The following CSPP1 variants were observed in gnomAD, a reference collection of about 807,000 sequenced individuals.
CSPP1 encodes centrosome and spindle pole-associated protein 1.
In CSPP1, 126 loss-of-function variants were observed where a neutral mutation model predicts 164.4. The observed-to-expected ratio is 0.77, with a 90% CI of 0.66 to 0.89. The LOEUF is 0.89. Ranked by LOEUF, CSPP1 falls within the 40% of genes least tolerant of loss-of-function variation. CSPP1 has a pLI of 0.00. For synonymous variants in CSPP1, 472 were observed against 476.7 expected (o/e 0.99, Z 0.13); for missense variants, 1,395 against 1,449.8 (o/e 0.96, Z 0.61).
intron 28 of CSPP1, among the ~76,000 whole-genome samples, chr8:67,182,028 G>C (rs1833179529): frequency 6.6e-6 from 1 of 152,002 alleles, no homozygotes; most frequent in Non-Finnish European, 1.5e-5. Context: ...TTAGAGACAG[G>C]GTCACCCTTG....
rs1046552298 is a variant in CSPP1, at chr8:67,152,839, C to T, written c.2129-1185C>T. Among the ~76,000 whole-genome samples the T allele has an allele frequency of 2.0e-5, 3 of 152,198 alleles. No individual in the cohort carries two copies. The South Asian group carries it at 6.2e-4, about 32-fold the overall frequency. On this transcript the variant is annotated intron_variant, in intron 18 of 30. Coordinates refer to ENST00000678616, the MANE Select transcript of CSPP1 (RefSeq NM_001382391.1). The stretch of plus-strand genomic sequence containing the variant: ...GCATTAATAAATTTAAATACAAAAG[C>T]AAAATAGACCTGAGTGGTAGCTGAA...
rs909732603 is a variant in CSPP1, at chr8:67,159,129, G to C, written c.2530G>C (p.Glu844Gln). ...YCERDNLIGE[E>Q]TKHMRQPSPI... ...TGAAAGAGACAATTTGATTGGGGAA[G>C]AAACAAAGGTAAGTTTCAGACAAAA... Residue 844 changes from glutamate to glutamine, a missense_variant, in exon 21 of 31, where the codon GAA (glutamate) becomes CAA (glutamine). Physicochemically the swap from Glu to Gln is conservative, Grantham distance 29. Transcript: ENST00000678616. 4.4e-6 allele frequency: 7 copies of C among 1,596,950 alleles called. No homozygotes were observed. In the African/African-American group the frequency reaches 9.5e-5, roughly 22 times the overall value.
At chr8:67,191,106 T>C (rs1209158685) in intron 29 of CSPP1, among the ~76,000 whole-genome samples, 4 of 152,208 alleles carry the variant, frequency 2.6e-5, no homozygotes, top group Non-Finnish European at 5.9e-5. Context: ...TTCTGTGATA[T>C]AGGCATCACC....
chr8:67,155,100 G>A (rs2129559352), intron 19 of CSPP1, among the ~76,000 whole-genome samples: 1 of 152,308 alleles, frequency 6.6e-6, no homozygotes, highest in Non-Finnish European at 1.5e-5. Context: ...TGTTTATGAA[G>A]CAAACAGACT....
At chr8:67,133,085 A>G (rs1053000164) in intron 16 of CSPP1, among the ~76,000 whole-genome samples, 1 of 152,230 alleles carries the variant, frequency 6.6e-6, no homozygotes, top group Non-Finnish European at 1.5e-5. Flanking sequence ...CTGTTTTTGC[A>G]TGAGCATATT....
chr8:67,069,807 A>G (rs536393950), intron 1 of CSPP1, among the ~76,000 whole-genome samples: 1 of 151,824 alleles, frequency 6.6e-6, no homozygotes, highest in East Asian at 2.0e-4. Context: ...TTACAGGTAT[A>G]TACCACCATG....
chr8:67,078,136 A>G (rs1326632350), intron 3 of CSPP1, among the ~76,000 whole-genome samples: 5 of 152,158 alleles, frequency 3.3e-5, no homozygotes, highest in Admixed American at 2.0e-4. Flanking sequence ...TAAGGTCGCT[A>G]AGGTTAGACA....
intron 28 of CSPP1, among the ~76,000 whole-genome samples, chr8:67,183,799 A>G (rs1353960131): frequency 6.6e-6 from 1 of 150,394 alleles, no homozygotes; most frequent in African/African-American, 2.4e-5. Flanking sequence ...GCCACAATTT[A>G]TGAAAGAAAT....
At chr8:67,121,187 C>A (rs1407298442) in intron 15 of CSPP1, among the ~76,000 whole-genome samples, 3 of 152,124 alleles carry the variant, frequency 2.0e-5, no homozygotes, top group Non-Finnish European at 4.4e-5. Flanking sequence ...TTCTTAATTA[C>A]CCTGACTAGA....
At chr8:67,155,975 T>C (rs539481313) in intron 19 of CSPP1, among the ~76,000 whole-genome samples, 21 of 152,130 alleles carry the variant, frequency 1.4e-4, no homozygotes, top group Non-Finnish European at 2.1e-4. Flanking sequence ...TCAAGTCAGG[T>C]AGCAGCAAGT....
chr8:67,118,320 A>G lies in CSPP1; in HGVS notation c.1569A>G (p.Ala523=). 2 of 1,613,496 alleles carry G rather than the reference A, an allele frequency of 1.2e-6. No individual in the cohort carries two copies. Among genetic ancestry groups the G allele is most frequent in the Non-Finnish European group, 1.7e-6 (2 of 1,179,510 alleles). ...ATNYRTPYDD[A]YYFYGSRNTF... ...ACTATCGAACTCCTTATGATGATGC[A>G]TACTATTTTTATGGGTCCAGGAATA... is the stretch of plus-strand genomic sequence containing the variant. Residue 523 remains alanine (A), a synonymous_variant, in exon 14 of 31, where the codon GCA becomes GCG. Transcript: ENST00000678616.
At position 67,172,569 on chromosome 8, in the gene CSPP1, T is replaced by C. The variant is rs758328414; in HGVS notation, c.2968+14T>C. The C allele has an allele frequency of 9.4e-6, 15 of 1,602,822 alleles. No homozygotes were observed. The African/African-American group carries it at 1.9e-4, about 20-fold the overall frequency. ...TGAAAGATAGAGGTGAGTAGATTGCTGCTCTTTTAAAGATGTAGCAGAAGT... is the reference window on the plus strand; with the variant it reads ...TGAAAGATAGAGGTGAGTAGATTGCCGCTCTTTTAAAGATGTAGCAGAAGT... On this transcript the variant is annotated intron_variant, in intron 25 of 30. Transcript: ENST00000678616.
At chr8:67,189,771 T>C (rs1185983120) in intron 28 of CSPP1, among the ~76,000 whole-genome samples, 1 of 152,110 alleles carries the variant, frequency 6.6e-6, no homozygotes, top group Non-Finnish European at 1.5e-5. Flanking sequence ...TCCCCCCAAA[T>C]ATATATAGAA....
intron 25 of CSPP1, chr8:67,175,075 T>C (rs1318855824): frequency 2.1e-6 from 1 of 480,154 alleles, no homozygotes; most frequent in Non-Finnish European, 3.8e-6. Context: ...GTATTCCTTA[T>C]GTTGGTAAGT....
chr8:67,101,206 C>T (rs1033336740), intron 7 of CSPP1, among the ~76,000 whole-genome samples: 8 of 152,266 alleles, frequency 5.3e-5, no homozygotes, highest in African/African-American at 1.9e-4. Flanking sequence ...TACGTAGGCA[C>T]CCTGTACCTG....
chr8:67,186,966 CT>C (rs1436833569), intron 28 of CSPP1, among the ~76,000 whole-genome samples: 15 of 141,454 alleles, frequency 1.1e-4, no homozygotes, highest in East Asian at 4.2e-4. Context: ...ATAAATCTAT[CT>C]ATCATCTATC....
chr8:67,085,782 G>C (rs1221369202), intron 3 of CSPP1, among the ~76,000 whole-genome samples: 2 of 152,058 alleles, frequency 1.3e-5, no homozygotes, highest in Non-Finnish European at 2.9e-5. Flanking sequence ...GTTCTGGACA[G>C]GAGAACAGGG....
intron 17 of CSPP1, among the ~76,000 whole-genome samples, chr8:67,147,662 T>G (rs1824864918): frequency 6.6e-6 from 1 of 152,066 alleles, no homozygotes; most frequent in African/African-American, 2.4e-5. Flanking sequence ...TGACAGTTCC[T>G]TTTTTTCTCT....
rs36084458 is a variant in CSPP1, at chr8:67,177,070, CAAAAAAAAAAA to C, written c.3110-597_3110-587del. Among the ~76,000 whole-genome samples, 118 of 51,884 alleles carry C rather than the reference CAAAAAAAAAAA, an allele frequency of 2.3e-3. 1 individual carries two copies. The highest frequency in any genetic ancestry group is 8.3e-3 in the African/African-American group (115 of 13,936). The allele number at this position is 51,884 out of a possible 152,430, so 34.0% of individuals were successfully genotyped here. A position where few individuals can be genotyped will look rare whatever the true frequency, so the allele number is the denominator to read the frequency against. ...TGGGCAACAGAGTGAGACTTAGTCT[CAAAAAAAAAAA>C]AAAAAAAAAAAAGAATATGGCCTCA... On this transcript the variant is annotated intron_variant, in intron 26 of 30. Coordinates refer to ENST00000678616, the MANE Select transcript of CSPP1 (RefSeq NM_001382391.1).
Sources: allele counts gnomAD v4.1 joint callset (sites outside exome capture counted in the v4.1 genomes callset), GRCh38; gene constraint gnomAD v4.1.1; transcripts MANE v1.5; gene names NCBI Gene and HGNC (gene_info 2026-07-23, HGNC 2026-07-21).